Variants in WDR25 observed in about 807,000 individuals in gnomAD.
The protein encoded by WDR25 is WD repeat-containing protein 25.
WDR25 carries 35 observed loss-of-function variants against 47.7 expected under a neutral mutation model. The ratio of observed to expected loss-of-function variants is 0.73; its 90% CI spans 0.56 to 0.97. The LOEUF (loss-of-function observed/expected upper bound fraction) is 0.97, where lower values mean the gene tolerates loss of function less well. WDR25 is among the 50% of genes least tolerant of loss of function. The probability of loss-of-function intolerance (pLI) is 0.00; values close to 1 mark genes in which losing one functional copy is unlikely to be tolerated. For synonymous variants in WDR25, 248 were observed against 278.9 expected, an observed-to-expected ratio of 0.89 and a Z score of 1.10; for missense variants, 634 against 704.7, an observed-to-expected ratio of 0.90 and a Z score of 1.14.
chr14:100,494,982 C>T (rs1457224726), intron 4 of WDR25, among the ~76,000 whole-genome samples: 1 of 151,798 alleles, frequency 6.6e-6, no homozygotes, highest in Non-Finnish European at 1.5e-5. Context: ...TCTACAAAAA[C>T]AAACAAACAA....
At chr14:100,508,081 A>G (rs541664865) in intron 4 of WDR25, among the ~76,000 whole-genome samples, 2 of 152,340 alleles carry the variant, frequency 1.3e-5, no homozygotes, top group African/African-American at 4.8e-5. Flanking sequence ...CACCATGATC[A>G]AGTAGGCTTC....
intron 2 of WDR25, among the ~76,000 whole-genome samples, chr14:100,460,868 G>C (rs537758539): frequency 1.3e-5 from 2 of 152,306 alleles, no homozygotes; most frequent in African/African-American, 2.4e-5. Flanking sequence ...AAAGGATCCA[G>C]ATTGGAAAGG....
chr14:100,400,537 T>G (rs1279879187), intron 2 of WDR25, among the ~76,000 whole-genome samples: 1 of 152,248 alleles, frequency 6.6e-6, no homozygotes, highest in Non-Finnish European at 1.5e-5. Flanking sequence ...TAACTTTGTT[T>G]AATAAAAACC....
chr14:100,510,033 G>A lies in WDR25; in HGVS notation c.1102-15837G>A, dbSNP rs138168154. Among the ~76,000 whole-genome samples the A allele has an allele frequency of 5.1e-4, 78 of 152,070 alleles. 1 individual carries two copies. The East Asian group carries it at 0.012, about 24-fold the overall frequency. The stretch of plus-strand genomic sequence containing the variant: ...CACCTGTAACCCCAGCACTTTGGGA[G>A]GCTGAGGTGGGTGGATCACTTGAGG... On this transcript the variant is annotated intron_variant, in intron 4 of 6. Coordinates refer to ENST00000402312, the MANE Select transcript of WDR25 (RefSeq NM_001161476.3).
At chr14:100,405,205 A>G (rs1367911572) in intron 2 of WDR25, among the ~76,000 whole-genome samples, 1 of 142,976 alleles carries the variant, frequency 7.0e-6, no homozygotes, top group Non-Finnish European at 1.5e-5. Context: ...CTTGTTACCC[A>G]GGCTGGAGTG....
chr14:100,522,988 A>G (rs2029931982), intron 4 of WDR25, among the ~76,000 whole-genome samples: 1 of 152,176 alleles, frequency 6.6e-6, no homozygotes. Flanking sequence ...TGGCTCAATC[A>G]GGGCCAGGGG....
chr14:100,492,640 G>A (rs1270843347), intron 4 of WDR25, among the ~76,000 whole-genome samples: 1 of 152,048 alleles, frequency 6.6e-6, no homozygotes, highest in African/African-American at 2.4e-5. Flanking sequence ...TAAGCTCTGT[G>A]CTGCACTGAA....
chr14:100,470,196 C>T (rs1899781609), intron 3 of WDR25, among the ~76,000 whole-genome samples: 1 of 152,068 alleles, frequency 6.6e-6, no homozygotes, highest in African/African-American at 2.4e-5. Context: ...GGAACAAGGA[C>T]AGAGCTGACA....
In WDR25 at chr14:100,405,388, C is replaced by G. The variant is rs111525347; in HGVS notation, c.822+23642C>G. 8.4e-3 allele frequency among the ~76,000 whole-genome samples: 1,275 copies of G among 152,060 alleles called. 11 individuals carry two copies. Among genetic ancestry groups the G allele is most frequent in the Non-Finnish European group, 0.014 (954 of 67,958 alleles). ...GTAGGCCAGGCTGGTCTCCAACTCC[C>G]GACCTCAGGTGATCCACCCGCCTCA... On this transcript the variant is annotated intron_variant, in intron 2 of 6. Transcript: ENST00000402312.
chr14:100,520,347 C>A (rs12100613), intron 4 of WDR25, among the ~76,000 whole-genome samples: 16,237 of 151,988 alleles, frequency 0.11, 2,878 homozygotes, highest in African/African-American at 0.37. Flanking sequence ...TTTATGCTAA[C>A]ATTTTTAAAC....
chr14:100,439,542 C>T (rs1898604668), intron 2 of WDR25, among the ~76,000 whole-genome samples: 1 of 152,198 alleles, frequency 6.6e-6, no homozygotes, highest in Admixed American at 6.5e-5. Flanking sequence ...TGAAAGTTAA[C>T]TTGCAAACCT....
intron 5 of WDR25, 144 bp from the exon 6 acceptor site, chr14:100,528,924 C>A: frequency 2.1e-6 from 2 of 961,056 alleles, no homozygotes; most frequent in Non-Finnish European, 2.9e-6. Flanking sequence ...CTTGAGCCAC[C>A]AAGCTTGTGG....
chr14:100,414,437 C>T (rs865933092), intron 2 of WDR25, among the ~76,000 whole-genome samples: 28 of 151,490 alleles, frequency 1.8e-4, no homozygotes, highest in Admixed American at 1.4e-3. Context: ...CTCAGCCTCC[C>T]GAGTAGCTGG....
At chr14:100,489,400 A>C (rs1407379225) in intron 4 of WDR25, among the ~76,000 whole-genome samples, 1 of 152,246 alleles carries the variant, frequency 6.6e-6, no homozygotes, top group Non-Finnish European at 1.5e-5. Context: ...GAATGTTCCA[A>C]GGTAGAGCCA....
At chr14:100,491,081 G>A (rs1480624701) in intron 4 of WDR25, among the ~76,000 whole-genome samples, 2 of 152,144 alleles carry the variant, frequency 1.3e-5, no homozygotes, top group East Asian at 1.9e-4. Context: ...TGATGATCTC[G>A]AGAGCCCCTT....
chr14:100,395,537 C>T (rs1897239012), intron 2 of WDR25, among the ~76,000 whole-genome samples: 1 of 152,196 alleles, frequency 6.6e-6, no homozygotes, highest in Non-Finnish European at 1.5e-5. Flanking sequence ...TTTGAACTCA[C>T]CTTTGCTGCC....
chr14:100,435,376 T>C (rs922486916), intron 2 of WDR25, among the ~76,000 whole-genome samples: 1 of 152,228 alleles, frequency 6.6e-6, no homozygotes, highest in Admixed American at 6.5e-5. Context: ...CCCTTATAAT[T>C]GCTTTCCTTA....
chr14:100,464,657 C>T (rs1269466579), intron 2 of WDR25, among the ~76,000 whole-genome samples: 2 of 150,052 alleles, frequency 1.3e-5, no homozygotes, highest in African/African-American at 4.9e-5. Context: ...TTTCATCTCC[C>T]CCACCCCATC....
At chr14:100,519,225 G>T (rs921917351) in intron 4 of WDR25, among the ~76,000 whole-genome samples, 3 of 151,364 alleles carry the variant, frequency 2.0e-5, no homozygotes, top group African/African-American at 7.3e-5. Context: ...TTAAAATTTT[G>T]TCCAGAGTTT....
Sources: gnomAD v4.1 joint callset for allele counts (sites outside exome capture counted in the v4.1 genomes callset) on GRCh38, gnomAD v4.1.1 for gene constraint, MANE v1.5 for transcripts, NCBI Gene and HGNC (gene_info 2026-07-23, HGNC 2026-07-21) for gene names.